CDH4: variants seen among roughly 807,000 people sequenced by gnomAD.
CDH4 encodes cadherin-4.
Under a neutral mutation model 86.0 loss-of-function variants are expected in CDH4, and 33 were observed. The ratio of observed to expected loss-of-function variants is 0.38; its 90% CI spans 0.29 to 0.51. The LOEUF is 0.51. CDH4 is among the 20% of genes least tolerant of loss of function. The pLI, the probability that CDH4 is intolerant of heterozygous loss-of-function variation, is 0.86. For missense variants in CDH4, 1,114 were observed against 1,307.4 expected (o/e 0.85, Z 2.28); for synonymous variants, 555 against 549.4 (o/e 1.01, Z -0.14).
rs138225629 is a variant in CDH4 at position 61,927,073 on chromosome 20, C to T, written c.1772-1117C>T. ...ATCTCAAAGCAGTTTTCAAAGGTAG[C>T]GCCGCGCTGCGTCACCTTAAATGTG... is the stretch of plus-strand genomic sequence containing the variant. On this transcript the variant is annotated intron_variant, in intron 11 of 15. Coordinates refer to ENST00000614565, the MANE Select transcript of CDH4 (RefSeq NM_001794.5). Among the ~76,000 whole-genome samples, 97 of 152,340 alleles carry T rather than the reference C, an allele frequency of 6.4e-4. 1 individual carries two copies. In the East Asian group the frequency reaches 0.017, roughly 27 times the overall value.
intron 2 of CDH4, among the ~76,000 whole-genome samples, chr20:61,291,657 G>A (rs1210266922): frequency 2.7e-5 from 4 of 147,614 alleles, no homozygotes; most frequent in Non-Finnish European, 6.0e-5. Context: ...GCGGGCACCC[G>A]CGCCAGGCCA....
At chr20:61,802,539 A>C (rs550641954) in intron 4 of CDH4, among the ~76,000 whole-genome samples, 1 of 152,264 alleles carries the variant, frequency 6.6e-6, no homozygotes, top group East Asian at 1.9e-4. Context: ...TTGAAGGAAA[A>C]CTTACTTGGG....
At position 61,884,692 on chromosome 20, in the gene CDH4, G is replaced by A. The variant is rs532187492; in HGVS notation, c.1051-10218G>A. 3.5e-4 allele frequency among the ~76,000 whole-genome samples: 54 copies of A among 152,264 alleles called. 1 individual carries two copies. Among genetic ancestry groups the A allele is most frequent in the East Asian group, 9.7e-4 (5 of 5,162 alleles). On this transcript the variant is annotated intron_variant, in intron 7 of 15. Coordinates refer to ENST00000614565, the MANE Select transcript of CDH4 (RefSeq NM_001794.5). ...GCTGAAGGGCTGAGCACCTCACCTC[G>A]GGGGCGGCTGCTGCTAGTTCCTGGG...
intron 13 of CDH4, among the ~76,000 whole-genome samples, chr20:61,931,340 C>G (rs1185940356): frequency 6.6e-6 from 1 of 152,244 alleles, no homozygotes; most frequent in Non-Finnish European, 1.5e-5. Flanking sequence ...TGGGCCAGGT[C>G]AGGAAGCGTC....
At chr20:61,621,940 A>C (rs2086781688) in intron 2 of CDH4, among the ~76,000 whole-genome samples, 1 of 152,254 alleles carries the variant, frequency 6.6e-6, no homozygotes, top group Admixed American at 6.5e-5. Context: ...TTATTAAAAT[A>C]GGCTCCTGTC....
intron 2 of CDH4, among the ~76,000 whole-genome samples, chr20:61,398,040 C>T (rs2085028948): frequency 6.6e-6 from 1 of 152,168 alleles, no homozygotes; most frequent in African/African-American, 2.4e-5. Flanking sequence ...ACCTGCGTGT[C>T]CTGAACCAGC....
At chr20:61,914,205 TG>T (rs764316201) in intron 9 of CDH4, among the ~76,000 whole-genome samples, 32 of 152,250 alleles carry the variant, frequency 2.1e-4, no homozygotes, top group Non-Finnish European at 3.7e-4. Context: ...AAGTGGAGCA[TG>T]GGGACTGAGT....
intron 2 of CDH4, among the ~76,000 whole-genome samples, chr20:61,528,466 A>AAGGGAGGGGAGGGGGGGGGG (rs2085928577): frequency 1.2e-4 from 1 of 8,172 alleles, no homozygotes; most frequent in African/African-American, 4.7e-4. Flanking sequence ...GGGGAGAGGG[A>AAGGGAGGGGAGGGGGGGGGG]GGGGGAGGGG....
chr20:61,363,750 CAG>C (rs1389134373), intron 2 of CDH4, among the ~76,000 whole-genome samples: 1 of 152,180 alleles, frequency 6.6e-6, no homozygotes, highest in Non-Finnish European at 1.5e-5. Context: ...AAGGTCAAAT[CAG>C]GGAGTGAAAG....
chr20:61,349,946 G>A (rs975155650), intron 2 of CDH4, among the ~76,000 whole-genome samples: 20 of 152,136 alleles, frequency 1.3e-4, no homozygotes, highest in African/African-American at 4.3e-4. Context: ...TCAGCCCAGC[G>A]CCAGGAACCC....
At chr20:61,492,406 G>C (rs1224322363) in intron 2 of CDH4, among the ~76,000 whole-genome samples, 1 of 150,506 alleles carries the variant, frequency 6.6e-6, no homozygotes, top group Non-Finnish European at 1.5e-5. Context: ...GGTGTTGATG[G>C]TGGTGGTATT....
chr20:61,257,260 A>G (rs938557808), intron 2 of CDH4, among the ~76,000 whole-genome samples: 2 of 152,308 alleles, frequency 1.3e-5, no homozygotes, highest in Admixed American at 1.3e-4. Flanking sequence ...AGCCCCAAAC[A>G]TACAGATTCC....
intron 2 of CDH4, among the ~76,000 whole-genome samples, chr20:61,631,510 T>C (rs2145788378): frequency 6.6e-6 from 1 of 152,280 alleles, no homozygotes; most frequent in South Asian, 2.1e-4. Context: ...CTGGGTGTAG[T>C]GGCATGTGCC....
chr20:61,840,130 G>A (rs1982092832), intron 4 of CDH4, among the ~76,000 whole-genome samples: 1 of 152,174 alleles, frequency 6.6e-6, no homozygotes, highest in Admixed American at 6.5e-5. Context: ...GGTGTCACTC[G>A]TGGGAGAAGC....
At chr20:61,567,754 G>C (rs1487911572) in intron 2 of CDH4, among the ~76,000 whole-genome samples, 1 of 152,148 alleles carries the variant, frequency 6.6e-6, no homozygotes, top group Non-Finnish European at 1.5e-5. Context: ...GACTAAAACG[G>C]GAGGATTGTT....
intron 2 of CDH4, among the ~76,000 whole-genome samples, chr20:61,342,436 A>G (rs1196555969): frequency 6.6e-6 from 1 of 152,222 alleles, no homozygotes; most frequent in Non-Finnish European, 1.5e-5. Context: ...GATTCTCATA[A>G]GGAGTGTGCA....
At chr20:61,835,920 C>T (rs1156933669) in intron 4 of CDH4, among the ~76,000 whole-genome samples, 1 of 152,220 alleles carries the variant, frequency 6.6e-6, no homozygotes, top group Non-Finnish European at 1.5e-5. Context: ...CAGCTTGCTG[C>T]ACCTGCAAAC....
rs543924378 is a variant in CDH4, at chr20:61,741,290, C to G, written c.170-2273C>G. Reference sequence around the variant, plus strand: ...GTCCCCCGGGCATCACTTCCCCAAGCCACCCACGGAGCTGCCTTTGAGGGC... The same window carrying G: ...GTCCCCCGGGCATCACTTCCCCAAGGCACCCACGGAGCTGCCTTTGAGGGC... On this transcript the variant is annotated intron_variant, in intron 2 of 15. Coordinates refer to ENST00000614565, the MANE Select transcript of CDH4 (RefSeq NM_001794.5). 6.6e-5 allele frequency among the ~76,000 whole-genome samples: 10 copies of G among 152,316 alleles called. No homozygotes were observed. In the South Asian group the frequency reaches 2.1e-3, roughly 32 times the overall value.
chr20:61,700,558 G>A (rs1268049114), intron 2 of CDH4, among the ~76,000 whole-genome samples: 3 of 152,208 alleles, frequency 2.0e-5, no homozygotes, highest in East Asian at 1.9e-4. Flanking sequence ...CAAGGGACCC[G>A]CTGTGTCATC....
Sources: gnomAD v4.1 joint callset for allele counts (sites outside exome capture counted in the v4.1 genomes callset) on GRCh38, gnomAD v4.1.1 for gene constraint, MANE v1.5 for transcripts, NCBI Gene and HGNC (gene_info 2026-07-23, HGNC 2026-07-21) for gene names.